The following ACSF3 variants were observed in gnomAD, a reference collection of about 807,000 sequenced individuals.
ACSF3 encodes the protein malonate--CoA ligase ACSF3, mitochondrial.
In ACSF3, 78 loss-of-function variants were observed where a neutral mutation model predicts 53.2. The observed-to-expected ratio is 1.47, with a 90% CI of 1.22 to 1.77. The LOEUF (loss-of-function observed/expected upper bound fraction) is 1.77. ACSF3 is among the 40% of genes most tolerant of loss of function. The pLI is 0.00. For synonymous variants in ACSF3, 414 were observed against 333.1 expected, an observed-to-expected ratio of 1.24 and a Z score of -2.65; for missense variants, 937 against 771.1, an observed-to-expected ratio of 1.22 and a Z score of -2.55.
At chr16:89,153,602 G>A in intron 10 of ACSF3, 1 of 244,822 alleles carries the variant, frequency 4.1e-6, no homozygotes, top group Non-Finnish European at 8.2e-6. Flanking sequence ...GCAGGACTGT[G>A]CGGCATTTAC....
intron 10 of ACSF3, chr16:89,152,351 T>TA (rs1394507257): frequency 3.3e-5 from 5 of 152,340 alleles, no homozygotes; most frequent in African/African-American, 9.6e-5. Flanking sequence ...CTCACACCTG[T>TA]AATCCCAGCA....
In ACSF3 at chr16:89,119,538, G is replaced by A. The variant is rs28733667; in HGVS notation, c.1127-1263G>A. On this transcript the variant is annotated intron_variant, in intron 6 of 10. Transcript: ENST00000614302. Reference sequence around the variant, plus strand: ...TGAAATGGGAAGTCATGTGTTATGCGGGTTTCACCCCCATTTAAAAATCTT... The same window carrying A: ...TGAAATGGGAAGTCATGTGTTATGCAGGTTTCACCCCCATTTAAAAATCTT... 1.1e-3 allele frequency among the ~76,000 whole-genome samples: 168 copies of A among 152,320 alleles called. 2 individuals are homozygous for A. The highest frequency in any genetic ancestry group is 3.7e-3 in the African/African-American group (153 of 41,584).
At chr16:89,095,572 G>GC (rs1467590015) in intron 1 of ACSF3, among the ~76,000 whole-genome samples, 4 of 135,132 alleles carry the variant, frequency 3.0e-5, no homozygotes, top group African/African-American at 1.1e-4. Flanking sequence ...AGGAGGAAGT[G>GC]CCGGCATCCA....
chr16:89,145,578 C>G (rs1333642118), intron 9 of ACSF3, among the ~76,000 whole-genome samples, 177 bp downstream of exon 9: 1 of 152,220 alleles, frequency 6.6e-6, no homozygotes, highest in African/African-American at 2.4e-5. Flanking sequence ...GGGGTGCAGC[C>G]TGCTCGGTGT....
intron 4 of ACSF3, among the ~76,000 whole-genome samples, chr16:89,103,800 G>A (rs375888355): frequency 1.2e-4 from 18 of 152,190 alleles, no homozygotes; most frequent in Middle Eastern, 3.2e-3. Context: ...CCTCTGTAGC[G>A]TCTCCCTTGG....
At chr16:89,115,714 T>C (rs1458154252) in intron 6 of ACSF3, among the ~76,000 whole-genome samples, 1 of 152,210 alleles carries the variant, frequency 6.6e-6, no homozygotes, top group African/African-American at 2.4e-5. Flanking sequence ...CCCTTCCCCC[T>C]GCAATGGGTG....
At chr16:89,130,838 T>G (rs1049908343) in intron 7 of ACSF3, among the ~76,000 whole-genome samples, 15 of 152,300 alleles carry the variant, frequency 9.8e-5, no homozygotes, top group African/African-American at 2.9e-4. Flanking sequence ...TCTTTTCTTC[T>G]GTCACTCCAG....
intron 10 of ACSF3, chr16:89,149,304 C>T (rs1208221447): frequency 6.6e-6 from 1 of 152,260 alleles, no homozygotes; most frequent in Non-Finnish European, 1.5e-5. Flanking sequence ...AAAGCTGCTT[C>T]CACATTTCCA....
At chr16:89,098,500 G>T in intron 1 of ACSF3, 91 bp from the exon 2 acceptor site, 2 of 366,772 alleles carry the variant, frequency 5.5e-6, no homozygotes, top group Non-Finnish European at 1.1e-5. Flanking sequence ...AAATGAACAT[G>T]CTTCCCTTCC....
At chr16:89,106,812 C>T (rs929983771) in intron 4 of ACSF3, among the ~76,000 whole-genome samples, 2 of 152,228 alleles carry the variant, frequency 1.3e-5, no homozygotes, top group African/African-American at 4.8e-5. Context: ...GCTGAACGAT[C>T]TCAGACGCGG....
chr16:89,114,442 G>A lies in ACSF3; in HGVS notation c.1081G>A (p.Gly361Ser), dbSNP rs145285434. 8.7e-5 allele frequency: 140 copies of A among 1,613,348 alleles called. 1 individual carries two copies. The Middle Eastern group carries it at 2.0e-3, about 23-fold the overall frequency. Residue 361 changes from glycine to serine, a missense_variant, in exon 6 of 11, where the codon GGC (glycine) becomes AGC (serine). Transcript: ENST00000614302. ...GGAGCGGTATGGCATGACCGAGATC[G>A]GCATGGCTCTGTCCGGGCCCCTGAC... ...LLERYGMTEI[G>S]MALSGPLTTA...
Position 89,154,074 on chromosome 16 carries a change from G to A in ACSF3, c.1614-16G>A, listed in dbSNP as rs1235757210. On this transcript the variant is annotated splice_polypyrimidine_tract_variant and intron_variant, in intron 10 of 10. Coordinates refer to ENST00000614302, the MANE Select transcript of ACSF3 (RefSeq NM_001243279.3). The stretch of plus-strand genomic sequence containing the variant: ...CTGTCAGGGCAGTGCGCCTCAGGCT[G>A]TGCTTGTCTCTGCAGAAATGTCCTG... 1 of 1,611,178 alleles carries A rather than the reference G, an allele frequency of 6.2e-7. No individual in the cohort carries two copies. The highest frequency in any genetic ancestry group is 8.5e-7 in the Non-Finnish European group (1 of 1,178,934).
In ACSF3 at chr16:89,154,344, GTT is replaced by G; in HGVS notation, c.*139_*140del. The G allele has an allele frequency of 2.4e-6, 2 of 845,168 alleles. No individual in the cohort carries two copies. The highest frequency in any genetic ancestry group is 3.9e-6 in the Non-Finnish European group (2 of 516,044). The allele number at this position is 845,168 out of a possible 1,614,324, so 52.4% of individuals were successfully genotyped here. On this transcript the variant is annotated 3_prime_UTR_variant, in exon 11 of 11. Coordinates refer to ENST00000614302, the MANE Select transcript of ACSF3 (RefSeq NM_001243279.3). ...ATCAGGTCACGTAGAATCAAGAACT[GTT>G]TGGGATGAAATCACCATGTGGGGTC...
intron 7 of ACSF3, among the ~76,000 whole-genome samples, chr16:89,127,968 T>C (rs181552573): frequency 6.7e-4 from 102 of 152,292 alleles, no homozygotes; most frequent in Non-Finnish European, 3.7e-4. Flanking sequence ...TCTTTTTTCT[T>C]TGTTATCCTT....
intron 5 of ACSF3, 56 bp downstream of exon 5, chr16:89,112,302 G>T: frequency 6.3e-7 from 1 of 1,597,254 alleles, no homozygotes; most frequent in Non-Finnish European, 8.6e-7. Flanking sequence ...CAACAGATAC[G>T]ACTTATTTCT....
rs6500528 is a variant in ACSF3, at chr16:89,101,035, T to C, written c.354T>C (p.Ser118=). 0.75 allele frequency: 1,214,274 copies of C among 1,608,730 alleles called. 464,462 individuals are homozygous for C. The highest frequency in any genetic ancestry group is 0.81 in the Admixed American group (48,550 of 59,930). ...TGGCCCAGTGGGCGTCATGGATGAG[T>C]GGCGGTGTGGCAGTCCCCCTCTACA... is the stretch of plus-strand genomic sequence containing the variant. ...YVVAQWASWM[S]GGVAVPLYRK... The change falls in exon 3 of 11, where the codon AGT becomes AGC. Residue 118 remains serine, a synonymous_variant. Coordinates refer to ENST00000614302, the MANE Select transcript of ACSF3 (RefSeq NM_001243279.3).
rs191437535 is a variant in ACSF3, at chr16:89,133,617, C to T, written c.1366+355C>T. 1.7e-3 allele frequency among the ~76,000 whole-genome samples: 266 copies of T among 152,338 alleles called. 1 individual carries two copies. The highest frequency in any genetic ancestry group is 3.3e-3 in the Admixed American group (50 of 15,308). On this transcript the variant is annotated intron_variant, in intron 8 of 10. Transcript: ENST00000614302. ...CCTTCCTGGTGGCCCTGCTGCCCCT[C>T]GTGGGCTGGGGCACCCTCCACCTCC...
intron 4 of ACSF3, among the ~76,000 whole-genome samples, chr16:89,111,273 C>G (rs538258371): frequency 1.3e-5 from 2 of 152,246 alleles, no homozygotes; most frequent in Admixed American, 6.5e-5. Context: ...ATTATTTCTT[C>G]CCCGGAGATT....
chr16:89,129,655 A>G (rs949110600), intron 7 of ACSF3, among the ~76,000 whole-genome samples: 5 of 152,098 alleles, frequency 3.3e-5, no homozygotes, highest in African/African-American at 9.7e-5. Context: ...CCATTTTACT[A>G]TGTGTTTACT....
Sources: allele counts gnomAD v4.1 joint callset (sites outside exome capture counted in the v4.1 genomes callset), GRCh38; gene constraint gnomAD v4.1.1; transcripts MANE v1.5; gene names NCBI Gene and HGNC (gene_info 2026-07-23, HGNC 2026-07-21).